The following FOXK1 variants were observed in gnomAD, a reference collection of about 807,000 sequenced individuals.
The protein encoded by FOXK1 is forkhead box K1.
In FOXK1, 19 loss-of-function variants were observed where a neutral mutation model predicts 51.9. That is an observed-to-expected ratio of 0.37 (90% confidence interval 0.26 to 0.54). FOXK1 has a LOEUF of 0.54. FOXK1 is among the 20% of genes least tolerant of loss of function. FOXK1 has a pLI of 0.87. For missense variants in FOXK1, 870 were observed against 1,032.7 expected, an observed-to-expected ratio of 0.84 and a Z score of 2.16; for synonymous variants, 537 against 482.6, an observed-to-expected ratio of 1.11 and a Z score of -1.48.
At position 4,709,173 on chromosome 7, in the gene FOXK1, A is replaced by G. The variant is rs1267968914; in HGVS notation, c.560+26305A>G. 6.6e-6 allele frequency among the ~76,000 whole-genome samples: 1 copy of G among 152,026 alleles called. No individual in the cohort carries two copies. Among genetic ancestry groups the G allele is most frequent in the East Asian group, 1.9e-4 (1 of 5,192 alleles). On this transcript the variant is annotated intron_variant, in intron 1 of 8. Transcript: ENST00000328914. This position sits in a 1 kb window ranked among gnomAD's most constrained non-coding sequence, Gnocchi z 5.6. The stretch of plus-strand genomic sequence containing the variant: ...GCCTCGCCTAGCTGTTGCTGTGCAC[A>G]CTGGGGGCCCGAGGCCCCAGGATAC...
Position 4,733,071 on chromosome 7 carries a change from G to C in FOXK1, c.561-7767G>C, listed in dbSNP as rs28664127. ...GGGCTCCTGCACAGCTTCTGTTCTGGGGCTTTTCACCCTCTTCCTGGATTC... is the reference window on the plus strand; with the variant it reads ...GGGCTCCTGCACAGCTTCTGTTCTGCGGCTTTTCACCCTCTTCCTGGATTC... On this transcript the variant is annotated intron_variant, in intron 1 of 8. Coordinates refer to ENST00000328914, the MANE Select transcript of FOXK1 (RefSeq NM_001037165.2). This position sits in a 1 kb window ranked among gnomAD's most constrained non-coding sequence, Gnocchi z 5.0. Among the ~76,000 whole-genome samples the C allele has an allele frequency of 1.4e-3, 217 of 152,230 alleles. No homozygotes were observed. Among genetic ancestry groups the C allele is most frequent in the African/African-American group, 5.0e-3 (206 of 41,538 alleles).
At chr7:4,728,942 T>C (rs1043673671) in intron 1 of FOXK1, among the ~76,000 whole-genome samples, 1 of 152,146 alleles carries the variant, frequency 6.6e-6, no homozygotes, top group Non-Finnish European at 1.5e-5. Flanking sequence ...GTGGAATTAC[T>C]GTGGACAGCA....
At chr7:4,721,589 CT>C (rs200132324) in intron 1 of FOXK1, among the ~76,000 whole-genome samples, 15,011 of 112,402 alleles carry the variant, frequency 0.13, 570 homozygotes, top group Non-Finnish European at 0.18. Flanking sequence ...TCTTTTTTTT[CT>C]TTTTTTTTTT....
Position 4,754,498 on chromosome 7 carries a change from C to T in FOXK1, c.786C>T (p.Gly262=). The T allele has an allele frequency of 6.2e-7, 1 of 1,613,210 alleles. No homozygotes were observed. The highest frequency in any genetic ancestry group is 1.3e-5 in the African/African-American group (1 of 75,066). ...GCCCAGCCAGTCCACGCGGTGCCGG[C>T]TCCTCCAGTTACCGCTTTGTGCAGA... The part of the protein sequence containing the change: ...NSCPASPRGA[G]SSSYRFVQNV... Residue 262 remains glycine (G), a synonymous_variant, in exon 3 of 9, where the codon GGC becomes GGT. Transcript: ENST00000328914.
chr7:4,704,688 C>T (rs1275418273), intron 1 of FOXK1, among the ~76,000 whole-genome samples: 1 of 152,022 alleles, frequency 6.6e-6, no homozygotes, highest in Non-Finnish European at 1.5e-5. Flanking sequence ...TCAGGCTGTG[C>T]TCGGATCACG....
At chr7:4,692,358 T>G (rs181412545) in intron 1 of FOXK1, among the ~76,000 whole-genome samples, 1 of 152,336 alleles carries the variant, frequency 6.6e-6, no homozygotes, top group East Asian at 1.9e-4. Flanking sequence ...GGATGTTCCT[T>G]GAGACCTCAC....
At chr7:4,687,977 C>T (rs961016746) in intron 1 of FOXK1, among the ~76,000 whole-genome samples, 1 of 152,160 alleles carries the variant, frequency 6.6e-6, no homozygotes, top group African/African-American at 2.4e-5. Context: ...AACGATCCTC[C>T]CACCTTGGCC....
intron 1 of FOXK1, among the ~76,000 whole-genome samples, chr7:4,713,776 C>T (rs575309532): frequency 5.3e-5 from 8 of 151,826 alleles, no homozygotes; most frequent in Non-Finnish European, 1.0e-4. Context: ...AGGCGTGAGC[C>T]ACCGCACCCA....
chr7:4,693,398 C>T (rs1233585700), intron 1 of FOXK1, among the ~76,000 whole-genome samples: 2 of 152,158 alleles, frequency 1.3e-5, no homozygotes, highest in Admixed American at 6.5e-5. Flanking sequence ...TTTAGGTTCA[C>T]AGCAAAAGCA....
At chr7:4,742,494 G>A (rs946036828) in intron 2 of FOXK1, among the ~76,000 whole-genome samples, 2 of 152,176 alleles carry the variant, frequency 1.3e-5, no homozygotes, top group African/African-American at 4.8e-5. Flanking sequence ...ATAGCTCGCT[G>A]CAGCCTCCAA....
At chr7:4,695,998 C>T (rs1052658959) in intron 1 of FOXK1, among the ~76,000 whole-genome samples, 9 of 151,648 alleles carry the variant, frequency 5.9e-5, no homozygotes, top group African/African-American at 2.2e-4. Flanking sequence ...CACCTGCAAT[C>T]CCAACTACTT....
In FOXK1 at chr7:4,683,018, C is replaced by A; in HGVS notation, c.560+150C>A. On this transcript the variant is annotated intron_variant, in intron 1 of 8. Transcript: ENST00000328914. The surrounding 1 kb of genome is among the most constrained non-coding windows in gnomAD (Gnocchi z 4.5). ...CCCGGTAACCCCCGACCGGCCTGGACTCCGGGGTCAACCCCGACCCCCGCC... is the reference window on the plus strand; with the variant it reads ...CCCGGTAACCCCCGACCGGCCTGGAATCCGGGGTCAACCCCGACCCCCGCC... The A allele has an allele frequency of 1.3e-6, 1 of 788,524 alleles. No individual in the cohort carries two copies. The highest frequency in any genetic ancestry group is 1.9e-6 in the Non-Finnish European group (1 of 538,204). 48.8% of individuals were successfully genotyped at this position (788,524 alleles called of 1,614,324 possible).
intron 2 of FOXK1, 57 bp downstream of exon 2, chr7:4,741,080 C>T (rs1408471492): frequency 2.4e-5 from 30 of 1,246,208 alleles, no homozygotes; most frequent in Middle Eastern, 2.0e-4. Context: ...ATGATGCGAG[C>T]GTGCCTGTCG....
rs1467336097 is a variant in FOXK1 at position 4,765,891 on chromosome 7, C to T, written c.*3427C>T. On this transcript the variant is annotated 3_prime_UTR_variant, in exon 9 of 9. Transcript: ENST00000328914. ...CCCCTGGGAAGTGGGGAAGCAGGGCCTGAGCGTCCCCAGGCTGCTAGGGCA... is the reference window on the plus strand; with the variant it reads ...CCCCTGGGAAGTGGGGAAGCAGGGCTTGAGCGTCCCCAGGCTGCTAGGGCA... 1 of 152,242 alleles carries T rather than the reference C, an allele frequency of 6.6e-6. No homozygotes were observed. The highest frequency in any genetic ancestry group is 1.5e-5 in the Non-Finnish European group (1 of 68,054). The allele number at this position is 152,242 out of a possible 1,614,324, so 9.4% of individuals were successfully genotyped here.
chr7:4,762,481 G>T lies in FOXK1; in HGVS notation c.*17G>T, dbSNP rs542439662. 4 of 1,536,154 alleles carry T rather than the reference G, an allele frequency of 2.6e-6. No individual in the cohort carries two copies. Among genetic ancestry groups the T allele is most frequent in the Non-Finnish European group, 3.5e-6 (4 of 1,137,782 alleles). On this transcript the variant is annotated 3_prime_UTR_variant, in exon 9 of 9. Coordinates refer to ENST00000328914, the MANE Select transcript of FOXK1 (RefSeq NM_001037165.2). This position sits in a 1 kb window ranked among gnomAD's most constrained non-coding sequence, Gnocchi z 5.7. ...GGGGAGTGAGGTCACCTGCAACGCG[G>T]GGGAGTGGGACTCACCCAGCGGCGA...
At position 4,743,686 on chromosome 7, in the gene FOXK1, C is replaced by G. The variant is rs1176254897; in HGVS notation, c.746+2663C>G. Among the ~76,000 whole-genome samples, 4 of 152,208 alleles carry G rather than the reference C, an allele frequency of 2.6e-5. No homozygotes were observed. The highest frequency in any genetic ancestry group is 9.6e-5 in the African/African-American group (4 of 41,454). ...GTAGAAATGGTGGCCAAGACCAGCT[C>G]ACGTGCTAGTGGAAGCTCACACCAG... On this transcript the variant is annotated intron_variant, in intron 2 of 8. Coordinates refer to ENST00000328914, the MANE Select transcript of FOXK1 (RefSeq NM_001037165.2). The surrounding 1 kb of genome is among the most constrained non-coding windows in gnomAD (Gnocchi z 5.3).
At chr7:4,712,613 T>C (rs1460405023) in intron 1 of FOXK1, among the ~76,000 whole-genome samples, 1 of 152,212 alleles carries the variant, frequency 6.6e-6, no homozygotes, top group Non-Finnish European at 1.5e-5. Flanking sequence ...GGGTGTATTA[T>C]TGCAGTCTCG....
Position 4,755,506 on chromosome 7 carries a change from C to A in FOXK1, c.1050+123C>A. On this transcript the variant is annotated intron_variant, in intron 4 of 8. Coordinates refer to ENST00000328914, the MANE Select transcript of FOXK1 (RefSeq NM_001037165.2). The surrounding 1 kb of genome is among the most constrained non-coding windows in gnomAD (Gnocchi z 6.6). ...AGGGGGCTCACGCCTGGAACCCTAG[C>A]ATTTTGTGAGGCCGAGGCAGGAGGA... The A allele has an allele frequency of 2.2e-6, 3 of 1,352,116 alleles. No individual in the cohort carries two copies. The highest frequency in any genetic ancestry group is 3.0e-6 in the Non-Finnish European group (3 of 999,698). The allele number at this position is 1,352,116 out of a possible 1,614,324, so 83.8% of individuals were successfully genotyped here.
intron 2 of FOXK1, among the ~76,000 whole-genome samples, chr7:4,744,880 G>A (rs1341154849): frequency 6.6e-6 from 1 of 152,244 alleles, no homozygotes; most frequent in African/African-American, 2.4e-5. Context: ...TTAGGGACTG[G>A]CTGTCTGGCT....
Sources: allele counts gnomAD v4.1 joint callset (sites outside exome capture counted in the v4.1 genomes callset), GRCh38; gene constraint gnomAD v4.1.1; non-coding constraint Gnocchi (gnomAD v3.1); transcripts MANE v1.5; gene names NCBI Gene and HGNC (gene_info 2026-07-23, HGNC 2026-07-21).